Variants in KLHL20 observed in about 807,000 individuals in gnomAD.
KLHL20 encodes kelch like family member 20.
Under a neutral mutation model 69.5 loss-of-function variants are expected in KLHL20, and 29 were observed. That is an observed-to-expected ratio of 0.42 (90% CI 0.31 to 0.57). The LOEUF (loss-of-function observed/expected upper bound fraction) is 0.57, where lower values mean the gene tolerates loss of function less well. Ranked by LOEUF, KLHL20 falls within the 20% of genes least tolerant of loss-of-function variation. The probability of loss-of-function intolerance (pLI) is 0.18; values close to 1 mark genes in which losing one functional copy is unlikely to be tolerated. For synonymous variants in KLHL20, 253 were observed against 265.2 expected (o/e 0.95, Z 0.45); for missense variants, 419 against 776.0 (o/e 0.54, Z 5.47).
intron 2 of KLHL20, among the ~76,000 whole-genome samples, chr1:173,730,703 T>TAATTTGTATAATTAA (rs1672229342): frequency 1.3e-5 from 2 of 152,210 alleles, no homozygotes; most frequent in Non-Finnish European, 2.9e-5. Flanking sequence ...TCATTACACC[T>TAATTTGTATAATTAA]TATACAAAAA....
intron 2 of KLHL20, among the ~76,000 whole-genome samples, chr1:173,720,096 C>T (rs138361733): frequency 0.011 from 1,600 of 152,020 alleles, 15 homozygotes; most frequent in South Asian, 0.016. Flanking sequence ...CACTCCAGCC[C>T]GGATGACAGG....
intron 3 of KLHL20, chr1:173,741,756 C>T (rs1209529703): frequency 2.1e-6 from 3 of 1,432,634 alleles, no homozygotes; most frequent in Non-Finnish European, 2.9e-6. Flanking sequence ...GGTTCAGAGC[C>T]CCAATTCCTA....
rs1478052940 is a variant in KLHL20, at chr1:173,785,252, A to G, written c.*5A>G. 1 of 1,602,954 alleles carries G rather than the reference A, an allele frequency of 6.2e-7. No individual in the cohort carries two copies. Among genetic ancestry groups the G allele is most frequent in the African/African-American group, 1.3e-5 (1 of 74,452 alleles). On this transcript the variant is annotated 3_prime_UTR_variant, in exon 12 of 12. Transcript: ENST00000209884. ...TGTGAATCCCATATTTGGTGAACAC[A>G]GAGAAGACAGTCTTGTATATATTCC... is the stretch of plus-strand genomic sequence containing the variant.
intron 10 of KLHL20, 73 bp from the exon 11 acceptor site, chr1:173,782,051 T>A (rs1648914056): frequency 2.0e-6 from 2 of 1,014,912 alleles, no homozygotes; most frequent in Admixed American, 3.8e-5. Context: ...AATAGATTTA[T>A]CTAGAAACCA....
At chr1:173,770,915 A>G (rs1430564217) in intron 8 of KLHL20, among the ~76,000 whole-genome samples, 1 of 152,172 alleles carries the variant, frequency 6.6e-6, no homozygotes, top group African/African-American at 2.4e-5. Flanking sequence ...ATTGACCCAG[A>G]ACACCAAGAC....
intron 8 of KLHL20, among the ~76,000 whole-genome samples, chr1:173,769,186 T>C (rs1647926693): frequency 6.6e-6 from 1 of 152,150 alleles, no homozygotes; most frequent in Admixed American, 6.6e-5. Context: ...ATCCATAGCC[T>C]CTACCAACTA....
Position 173,716,004 on chromosome 1 carries a change from T to G in KLHL20, c.-40T>G. On this transcript the variant is annotated splice_region_variant and 5_prime_UTR_variant, in exon 2 of 12. Coordinates refer to ENST00000209884, the MANE Select transcript of KLHL20 (RefSeq NM_014458.4). ...GTTCCTGCTTTTCTGTTGTCTTAGG[T>G]TCGGCTTTAGAGTGTGGTGAAGGGT... The G allele has an allele frequency of 6.2e-7, 1 of 1,606,624 alleles. No homozygotes were observed. Among genetic ancestry groups the G allele is most frequent in the Non-Finnish European group, 8.5e-7 (1 of 1,175,738 alleles).
chr1:173,730,273 T>C (rs1313941228), intron 2 of KLHL20, among the ~76,000 whole-genome samples: 1 of 151,996 alleles, frequency 6.6e-6, no homozygotes, highest in Non-Finnish European at 1.5e-5. Context: ...AGAATCAATA[T>C]CATGAAAATG....
intron 2 of KLHL20, among the ~76,000 whole-genome samples, chr1:173,732,330 A>G (rs988535153): frequency 3.3e-5 from 5 of 152,164 alleles, no homozygotes; most frequent in South Asian, 4.1e-4. Context: ...AAAAAAATCA[A>G]TAAGTAAAAA....
rs921719854 is a variant in KLHL20, at chr1:173,724,058, A to G, written c.23+7992A>G. On this transcript the variant is annotated intron_variant, in intron 2 of 11. Transcript: ENST00000209884. ...TGTATACATTTTGATGAGTTTGGGC[A>G]TATGTATATACCCATGATATCACCG... Among the ~76,000 whole-genome samples, 5 of 152,266 alleles carry G rather than the reference A, an allele frequency of 3.3e-5. No homozygotes were observed. The South Asian group carries it at 1.0e-3, about 32-fold the overall frequency.
At chr1:173,777,936 TG>T (rs1218583025) in intron 10 of KLHL20, among the ~76,000 whole-genome samples, 3 of 152,180 alleles carry the variant, frequency 2.0e-5, no homozygotes, top group Non-Finnish European at 4.4e-5. Flanking sequence ...AAAGTGAGTT[TG>T]GAAGTGTTAC....
chr1:173,734,519 T>A, intron 3 of KLHL20: 5 of 487,544 alleles, frequency 1.0e-5, no homozygotes, highest in Admixed American at 3.5e-5. Flanking sequence ...TAAAAGTATT[T>A]AAAAAAAAAT....
In KLHL20 at chr1:173,756,041, T is replaced by G; in HGVS notation, c.967+3T>G. 6.2e-7 allele frequency: 1 copy of G among 1,601,552 alleles called. No individual in the cohort carries two copies. The highest frequency in any genetic ancestry group is 1.1e-5 in the South Asian group (1 of 90,454). On this transcript the variant is annotated splice_donor_region_variant and intron_variant, in intron 6 of 11. Coordinates refer to ENST00000209884, the MANE Select transcript of KLHL20 (RefSeq NM_014458.4). ...ATGTGGGGAAGTACTCTTTGCAGGT[T>G]TGGATCTTAATATACTGTTAGTAAA...
Position 173,719,104 on chromosome 1 carries a change from C to CA in KLHL20, c.23+3049dup, listed in dbSNP as rs751845202. 7.0e-4 allele frequency among the ~76,000 whole-genome samples: 74 copies of CA among 106,094 alleles called. 1 individual carries two copies. Among genetic ancestry groups the CA allele is most frequent in the Middle Eastern group, 5.0e-3 (1 of 200 alleles). 69.6% of individuals were successfully genotyped at this position (106,094 alleles called of 152,430 possible). ...TGGGCTAAACAGCGGGACTCCGTCT[C>CA]AAAAAAAAAAAGAAAAATTATTTTG... On this transcript the variant is annotated intron_variant, in intron 2 of 11. Coordinates refer to ENST00000209884, the MANE Select transcript of KLHL20 (RefSeq NM_014458.4).
At chr1:173,753,361 C>T in intron 5 of KLHL20, 54 bp downstream of exon 5, 1 of 1,328,664 alleles carries the variant, frequency 7.5e-7, no homozygotes, top group Non-Finnish European at 1.1e-6. Context: ...CTATTTTTTC[C>T]TAATTTCCTT....
intron 1 of KLHL20, 58 bp from the exon 2 acceptor site, chr1:173,715,945 T>G: frequency 8.3e-7 from 1 of 1,198,756 alleles, no homozygotes; most frequent in Non-Finnish European, 1.2e-6. Context: ...ATATAAAGAT[T>G]GTTACTGTAA....
At chr1:173,768,326 C>T (rs1283849669) in intron 8 of KLHL20, among the ~76,000 whole-genome samples, 2 of 152,104 alleles carry the variant, frequency 1.3e-5, no homozygotes, top group East Asian at 1.9e-4. Context: ...TTTAGAGTCT[C>T]ATGTGCTATG....
chr1:173,779,328 G>A (rs1648695653), intron 10 of KLHL20, among the ~76,000 whole-genome samples: 1 of 149,576 alleles, frequency 6.7e-6, no homozygotes, highest in African/African-American at 2.5e-5. Context: ...TTTAATTAGA[G>A]AATAATTTTT....
At chr1:173,761,839 TCAAACC>T (rs956610872) in intron 7 of KLHL20, among the ~76,000 whole-genome samples, 14 of 151,170 alleles carry the variant, frequency 9.3e-5, no homozygotes, top group African/African-American at 3.2e-4. Flanking sequence ...CAAGAACCAA[TCAAACC>T]CAAACCCAAA....
Sources: allele counts gnomAD v4.1 joint callset (sites outside exome capture counted in the v4.1 genomes callset), GRCh38; gene constraint gnomAD v4.1.1; transcripts MANE v1.5; gene names NCBI Gene and HGNC (gene_info 2026-07-23, HGNC 2026-07-21).